The following CDH13 variants were observed in gnomAD, a reference collection of about 807,000 sequenced individuals.
CDH13 encodes the protein cadherin-13.
In CDH13, 24 loss-of-function variants were observed where a neutral mutation model predicts 63.8. The ratio of observed to expected loss-of-function variants is 0.38; its 90% CI spans 0.27 to 0.53. The LOEUF (loss-of-function observed/expected upper bound fraction) is 0.53. CDH13 is among the 20% of genes least tolerant of loss of function. The pLI is 0.85. For missense variants in CDH13, 1,049 were observed against 903.1 expected (o/e 1.16, Z -2.07); for synonymous variants, 503 against 355.3 (o/e 1.42, Z -4.67).
At chr16:83,164,061 C>G (rs950961787) in intron 4 of CDH13, among the ~76,000 whole-genome samples, 10 of 151,998 alleles carry the variant, frequency 6.6e-5, no homozygotes, top group African/African-American at 2.2e-4. Context: ...TGTGTCTTAC[C>G]CAGCTGGTAA....
intron 3 of CDH13, among the ~76,000 whole-genome samples, chr16:83,123,514 G>A (rs11150542): frequency 0.42 from 63,050 of 151,586 alleles, 14,774 homozygotes; most frequent in Admixed American, 0.54. Flanking sequence ...CCCAACCTCA[G>A]GTTATCCACC....
intron 6 of CDH13, among the ~76,000 whole-genome samples, chr16:83,373,246 C>T (rs1008541956): frequency 1.3e-5 from 2 of 152,092 alleles, no homozygotes; most frequent in African/African-American, 4.8e-5. Context: ...TTTAAAAGGG[C>T]CTAGTTACAA....
intron 10 of CDH13, among the ~76,000 whole-genome samples, chr16:83,742,991 T>A (rs1912204597): frequency 6.6e-6 from 1 of 152,160 alleles, no homozygotes; most frequent in Admixed American, 6.5e-5. Flanking sequence ...GTGGATCGCT[T>A]GAGGTCAGGA....
intron 5 of CDH13, among the ~76,000 whole-genome samples, chr16:83,323,945 C>T (rs1046750446): frequency 2.0e-5 from 3 of 152,178 alleles, no homozygotes; most frequent in Non-Finnish European, 4.4e-5. Context: ...ATAATTCACA[C>T]ACCACACAAT....
At chr16:83,432,925 G>A (rs149114884) in intron 6 of CDH13, among the ~76,000 whole-genome samples, 1 of 152,336 alleles carries the variant, frequency 6.6e-6, no homozygotes, top group East Asian at 1.9e-4. Flanking sequence ...CTTCTTCATG[G>A]TTAGGGTTGA....
At chr16:83,127,766 T>C (rs1007260576) in intron 4 of CDH13, among the ~76,000 whole-genome samples, 14 of 152,128 alleles carry the variant, frequency 9.2e-5, no homozygotes, top group African/African-American at 2.9e-4. Context: ...TTATTGCAAA[T>C]TGAAAGAAGT....
chr16:82,896,097 C>T (rs1010037105), intron 2 of CDH13, among the ~76,000 whole-genome samples: 6 of 152,168 alleles, frequency 3.9e-5, no homozygotes, highest in African/African-American at 1.4e-4. Flanking sequence ...TATTTCACAA[C>T]CTGACATTCT....
Position 83,781,976 on chromosome 16 carries a change from G to A in CDH13, c.1916-1278G>A, listed in dbSNP as rs1212089260. Among the ~76,000 whole-genome samples the A allele has an allele frequency of 3.3e-5, 5 of 151,816 alleles. No homozygotes were observed. In the East Asian group the frequency reaches 9.7e-4, roughly 29 times the overall value. ...AAAAAGATTGTATCCTCTACTAAAG[G>A]AAGATGGGAAAATGCTGTTTGATTT... On this transcript the variant is annotated intron_variant, in intron 12 of 13. Transcript: ENST00000567109.
At chr16:82,705,817 C>A (rs1389283880) in intron 1 of CDH13, among the ~76,000 whole-genome samples, 1 of 152,158 alleles carries the variant, frequency 6.6e-6, no homozygotes, top group Admixed American at 6.5e-5. Flanking sequence ...TATGATCCTG[C>A]AATGTATCAC....
intron 5 of CDH13, among the ~76,000 whole-genome samples, chr16:83,314,944 G>A (rs1416036076): frequency 6.6e-6 from 1 of 152,182 alleles, no homozygotes; most frequent in African/African-American, 2.4e-5. Context: ...TCTGAGCAGT[G>A]TGATATAGCC....
intron 1 of CDH13, among the ~76,000 whole-genome samples, chr16:82,717,134 T>C (rs1295360461): frequency 2.0e-5 from 3 of 152,054 alleles, no homozygotes; most frequent in Non-Finnish European, 4.4e-5. Context: ...CTGCCTTTCA[T>C]TCAACAGGAC....
At chr16:82,760,571 G>A (rs2034796542) in intron 1 of CDH13, among the ~76,000 whole-genome samples, 1 of 152,086 alleles carries the variant, frequency 6.6e-6, no homozygotes, top group African/African-American at 2.4e-5. Context: ...TGTCTTTACT[G>A]CATACTAGGA....
chr16:83,364,699 T>C (rs1389677969), intron 6 of CDH13, among the ~76,000 whole-genome samples: 6 of 152,168 alleles, frequency 3.9e-5, no homozygotes, highest in Admixed American at 3.9e-4. Flanking sequence ...CTTTTATAGA[T>C]GTTTGTATCA....
intron 7 of CDH13, among the ~76,000 whole-genome samples, chr16:83,515,236 C>G (rs1449086391): frequency 6.6e-6 from 1 of 152,158 alleles, no homozygotes; most frequent in Non-Finnish European, 1.5e-5. Flanking sequence ...CTTTTAAGGT[C>G]TCTCCAAACC....
chr16:82,711,458 A>G (rs889301463), intron 1 of CDH13, among the ~76,000 whole-genome samples: 2 of 152,176 alleles, frequency 1.3e-5, no homozygotes, highest in African/African-American at 2.4e-5. Context: ...TGGCCCTTCA[A>G]GCATACTTCA....
intron 7 of CDH13, among the ~76,000 whole-genome samples, chr16:83,544,867 T>A (rs537993074): frequency 2.0e-3 from 300 of 152,316 alleles, no homozygotes; most frequent in Non-Finnish European, 3.3e-3. Flanking sequence ...TCTAACAATG[T>A]CTGGCCACAG....
At chr16:83,038,273 C>G (rs77121202) in intron 3 of CDH13, among the ~76,000 whole-genome samples, 5,373 of 152,264 alleles carry the variant, frequency 0.035, 125 homozygotes, top group Non-Finnish European at 0.053. Flanking sequence ...ATGACCCTGT[C>G]TCACCTGCAA....
At chr16:83,368,101 A>T (rs1224792755) in intron 6 of CDH13, among the ~76,000 whole-genome samples, 1 of 152,162 alleles carries the variant, frequency 6.6e-6, no homozygotes, top group East Asian at 1.9e-4. Flanking sequence ...TAATCAATTG[A>T]TTCTTGTATA....
chr16:83,752,100 G>A (rs1380655729), intron 11 of CDH13, among the ~76,000 whole-genome samples: 1 of 152,242 alleles, frequency 6.6e-6, no homozygotes, highest in Non-Finnish European at 1.5e-5. Flanking sequence ...ATCCATTACT[G>A]ATCAGCTAAA....
Sources: allele counts gnomAD v4.1 joint callset (sites outside exome capture counted in the v4.1 genomes callset), GRCh38; gene constraint gnomAD v4.1.1; transcripts MANE v1.5; gene names NCBI Gene and HGNC (gene_info 2026-07-23, HGNC 2026-07-21).